Variants in ZNF783 observed in about 807,000 individuals in gnomAD.
The protein encoded by ZNF783 is zinc finger protein 783.
A neutral mutation model predicts 31.3 loss-of-function variants in ZNF783; 25 were observed. The observed-to-expected ratio is 0.80, with a 90% CI of 0.58 to 1.11. ZNF783 has a LOEUF of 1.11. Among genes scored for constraint, ZNF783 ranks in the 50% most tolerant of loss-of-function variants. ZNF783 has a pLI of 0.00. For missense variants in ZNF783, 797 were observed against 760.0 expected, an observed-to-expected ratio of 1.05 and a Z score of -0.57; for synonymous variants, 369 against 319.1, an observed-to-expected ratio of 1.16 and a Z score of -1.66.
intron 4 of ZNF783, among the ~76,000 whole-genome samples, chr7:149,275,059 C>T (rs1205644301): frequency 6.6e-6 from 1 of 151,736 alleles, no homozygotes; most frequent in Non-Finnish European, 1.5e-5. Flanking sequence ...TTTTGGTGTC[C>T]TCTTCAATTT....
At chr7:149,268,677 C>T (rs1210511267) in intron 4 of ZNF783, among the ~76,000 whole-genome samples, 1 of 152,136 alleles carries the variant, frequency 6.6e-6, no homozygotes, top group African/African-American at 2.4e-5. Flanking sequence ...GTTTAGGTCC[C>T]AGTTATAAGT....
At chr7:149,263,284 GTGT>G (rs1796982840) in intron 1 of ZNF783, among the ~76,000 whole-genome samples, 1 of 98,544 alleles carries the variant, frequency 1.0e-5, no homozygotes, top group East Asian at 3.3e-4. Flanking sequence ...GTGTGTGTGT[GTGT>G]GTGTGTGTGT....
intron 4 of ZNF783, among the ~76,000 whole-genome samples, chr7:149,268,030 A>G (rs1797125021): frequency 6.6e-6 from 1 of 152,210 alleles, no homozygotes; most frequent in African/African-American, 2.4e-5. Context: ...CAGTGGTTCC[A>G]AAGGGGACTG....
intron 5 of ZNF783, 91 bp from the exon 6 acceptor site, chr7:149,281,414 G>T: frequency 8.3e-7 from 1 of 1,198,246 alleles, no homozygotes; most frequent in Non-Finnish European, 1.1e-6. Flanking sequence ...GATAGGGCCC[G>T]GGCTGAGGCT....
In ZNF783 at chr7:149,266,806, C is replaced by G; in HGVS notation, c.421-13C>G. ...AGCGTGTGGGTGAGTGAGTGCGACACTTATGGTTCCAGGTGCCCGTGACCT... is the reference window on the plus strand; with the variant it reads ...AGCGTGTGGGTGAGTGAGTGCGACAGTTATGGTTCCAGGTGCCCGTGACCT... On this transcript the variant is annotated splice_polypyrimidine_tract_variant and intron_variant, in intron 2 of 5. Coordinates refer to ENST00000434415, the MANE Select transcript of ZNF783 (RefSeq NM_001195220.2). 6.2e-7 allele frequency: 1 copy of G among 1,613,964 alleles called. No homozygotes were observed.
rs376849018 is a variant in ZNF783, at chr7:149,281,991, C to G, written c.1289C>G (p.Pro430Arg). Residue 430 changes from proline (P) to arginine (R), a missense_variant, in exon 6 of 6, where the codon CCT becomes CGT. Physicochemically the swap from Pro to Arg is moderately radical, Grantham distance 103 (BLOSUM62 -2). Coordinates refer to ENST00000434415, the MANE Select transcript of ZNF783 (RefSeq NM_001195220.2). ...GGCCGTGCCTTGGTGGGGCGGCGGC[C>G]TGCAGCCAGCAAGATGTACCACTGC... Reference protein sequence around the residue: ...AGGRALVGRRPAASKMYHCSE... With the variant: ...AGGRALVGRRRAASKMYHCSE... 47 of 1,577,858 alleles carry G rather than the reference C, an allele frequency of 3.0e-5. No homozygotes were observed. The highest frequency in any genetic ancestry group is 3.6e-5 in the Non-Finnish European group (42 of 1,170,222).
intron 4 of ZNF783, among the ~76,000 whole-genome samples, chr7:149,271,602 G>T (rs1797212618): frequency 1.3e-5 from 2 of 150,822 alleles, no homozygotes; most frequent in Non-Finnish European, 3.0e-5. Context: ...ATTCTTTTTG[G>T]TTTTTGATTT....
chr7:149,265,298 C>T (rs1327249894), intron 1 of ZNF783, among the ~76,000 whole-genome samples: 2 of 152,056 alleles, frequency 1.3e-5, no homozygotes, highest in East Asian at 1.9e-4. Flanking sequence ...TAAGCTGAGG[C>T]ACTTGAGAAG....
In ZNF783 at chr7:149,282,433, G is replaced by T. The variant is rs1221009357; in HGVS notation, c.*90G>T. 3.3e-6 allele frequency: 4 copies of T among 1,196,726 alleles called. No homozygotes were observed. The African/African-American group carries it at 6.2e-5, about 19-fold the overall frequency. The allele number at this position is 1,196,726 out of a possible 1,614,324, so 74.1% of individuals were successfully genotyped here. Reference sequence around the variant, plus strand: ...CTTTTCCTGGGATGGAGAGAGGTTTGTTGTTTTTACCCATTCAAATGGGAA... The same window carrying T: ...CTTTTCCTGGGATGGAGAGAGGTTTTTTGTTTTTACCCATTCAAATGGGAA... On this transcript the variant is annotated 3_prime_UTR_variant, in exon 6 of 6. Transcript: ENST00000434415.
Position 149,284,820 on chromosome 7 carries a change from C to G in ZNF783, c.*2477C>G, listed in dbSNP as rs767234105. The G allele has an allele frequency of 6.6e-6, 1 of 152,204 alleles. No individual in the cohort carries two copies. Among genetic ancestry groups the G allele is most frequent in the Non-Finnish European group, 1.5e-5 (1 of 68,040 alleles). The allele number at this position is 152,204 out of a possible 1,614,324, so 9.4% of individuals were successfully genotyped here. A position where few individuals can be genotyped will look rare whatever the true frequency, so the allele number is the denominator to read the frequency against. On this transcript the variant is annotated 3_prime_UTR_variant, in exon 6 of 6. Coordinates refer to ENST00000434415, the MANE Select transcript of ZNF783 (RefSeq NM_001195220.2). ...CTTTGTGGTGCAGGAGCTGAGGGTG[C>G]CCCAGACTCAGTGGGAGCCCTGGTT...
In ZNF783 at chr7:149,282,290, G is replaced by T; in HGVS notation, c.1588G>T (p.Ala530Ser). ...QVGPHFPAAPARHGSLPLPWP... is the reference protein window; with the variant it reads ...QVGPHFPAAPSRHGSLPLPWP... The stretch of plus-strand genomic sequence containing the variant: ...GGGCCCACACTTCCCTGCCGCCCCC[G>T]CCCGCCACGGGAGCCTGCCCCTGCC... The change falls in exon 6 of 6, where the codon GCC (alanine) becomes TCC (serine). Residue 530 changes from alanine to serine, a missense_variant. Ala to Ser is a moderately conservative substitution (Grantham distance 99, BLOSUM62 1). Transcript: ENST00000434415. 5 of 1,566,712 alleles carry T rather than the reference G, an allele frequency of 3.2e-6. No homozygotes were observed. The highest frequency in any genetic ancestry group is 4.3e-6 in the Non-Finnish European group (5 of 1,165,140).
rs1797145806 is a variant in ZNF783 at position 149,268,766 on chromosome 7, A to G, written c.673+1544A>G. On this transcript the variant is annotated intron_variant, in intron 4 of 5. Transcript: ENST00000434415. ...GGCCTTCAGCTTCATGTTGCTGCAC[A>G]GGACATGATTTCATTCGTTTTTATG... Among the ~76,000 whole-genome samples, 7 of 152,360 alleles carry G rather than the reference A, an allele frequency of 4.6e-5. 1 individual carries two copies. In the South Asian group the frequency reaches 1.4e-3, roughly 32 times the overall value.
chr7:149,273,544 CTT>C (rs199971838), intron 4 of ZNF783, among the ~76,000 whole-genome samples: 5,356 of 143,578 alleles, frequency 0.037, 158 homozygotes, highest in African/African-American at 0.083. Flanking sequence ...GCCATTTGTA[CTT>C]TTTTTTTTTT....
chr7:149,269,403 T>C (rs1367198954), intron 4 of ZNF783, among the ~76,000 whole-genome samples: 1 of 152,262 alleles, frequency 6.6e-6, no homozygotes, highest in African/African-American at 2.4e-5. Context: ...TCTTTTGCTC[T>C]GCAGAAGCTC....
rs1339521165 is a variant in ZNF783, at chr7:149,282,253, CCG to C, written c.1552_1553del (p.Gly519ProfsTer98). 6.3e-7 allele frequency: 1 copy of C among 1,596,108 alleles called. No individual in the cohort carries two copies. The highest frequency in any genetic ancestry group is 2.2e-5 in the East Asian group (1 of 44,748). On this transcript the variant is annotated frameshift_variant, in exon 6 of 6. Coordinates refer to ENST00000434415, the MANE Select transcript of ZNF783 (RefSeq NM_001195220.2). LOFTEE classifies it low-confidence loss of function (END_TRUNC). ...HLAVHMQTHA[R>X]GQVGPHFPAA... ...TGGCCGTGCACATGCAGACCCACGCCCGAGGCCAGGTGGGCCCACACTTCCCT... is the reference window on the plus strand; with the variant it reads ...TGGCCGTGCACATGCAGACCCACGCCAGGCCAGGTGGGCCCACACTTCCCT...
At chr7:149,281,415 G>C in intron 5 of ZNF783, 90 bp from the exon 6 acceptor site, 1 of 1,218,640 alleles carries the variant, frequency 8.2e-7, no homozygotes. Context: ...ATAGGGCCCG[G>C]GCTGAGGCTG....
chr7:149,264,788 G>A (rs1011433408), intron 1 of ZNF783, among the ~76,000 whole-genome samples: 5 of 150,388 alleles, frequency 3.3e-5, no homozygotes, highest in Non-Finnish European at 5.9e-5. Context: ...CAGGAGAATC[G>A]CTTGAACTTG....
Position 149,282,008 on chromosome 7 carries a change from T to A in ZNF783, c.1306T>A (p.Tyr436Asn). 6.3e-7 allele frequency: 1 copy of A among 1,583,836 alleles called. No individual in the cohort carries two copies. The highest frequency in any genetic ancestry group is 1.1e-5 in the South Asian group (1 of 89,154). The change falls in exon 6 of 6, where the codon TAC becomes AAC. Residue 436 changes from tyrosine (Y) to asparagine (N), a missense_variant. Coordinates refer to ENST00000434415, the MANE Select transcript of ZNF783 (RefSeq NM_001195220.2). ...GCGGCGGCCTGCAGCCAGCAAGATG[T>A]ACCACTGCAGCGAGTGCCTGCGCTT... is the stretch of plus-strand genomic sequence containing the variant. ...VGRRPAASKM[Y>N]HCSECLRFFQ...
intron 4 of ZNF783, among the ~76,000 whole-genome samples, chr7:149,272,176 C>G (rs1456494851): frequency 6.6e-6 from 1 of 152,002 alleles, no homozygotes; most frequent in East Asian, 1.9e-4. Context: ...CGCCACCACG[C>G]CTGGCTAATT....
Sources: gnomAD v4.1 joint callset for allele counts (sites outside exome capture counted in the v4.1 genomes callset) on GRCh38, gnomAD v4.1.1 for gene constraint, MANE v1.5 for transcripts, NCBI Gene and HGNC (gene_info 2026-07-23, HGNC 2026-07-21) for gene names.